The following ATP6V1H variants were observed in gnomAD, a reference collection of about 807,000 sequenced individuals.
ATP6V1H encodes the protein ATPase H+ transporting V1 subunit H, also known as V-type proton ATPase subunit H.
ATP6V1H carries 39 observed loss-of-function variants against 71.7 expected under a neutral mutation model. The observed-to-expected ratio is 0.54, with a 90% CI of 0.42 to 0.71. The LOEUF (loss-of-function observed/expected upper bound fraction) is 0.71. Among genes scored for constraint, ATP6V1H ranks in the 30% least tolerant of loss-of-function variants. The probability of loss-of-function intolerance (pLI) is 0.00; values close to 1 mark genes in which losing one functional copy is unlikely to be tolerated. For synonymous variants in ATP6V1H, 192 were observed against 199.3 expected (o/e 0.96, Z 0.31); for missense variants, 509 against 594.9 (o/e 0.86, Z 1.50).
intron 12 of ATP6V1H, among the ~76,000 whole-genome samples, chr8:53,752,691 G>C (rs1807842758): frequency 6.6e-6 from 1 of 152,000 alleles, no homozygotes; most frequent in Non-Finnish European, 1.5e-5. Context: ...GCTGGGACTA[G>C]AGGCATGTGC....
chr8:53,822,013 G>C (rs1810680244), intron 4 of ATP6V1H, among the ~76,000 whole-genome samples: 1 of 152,142 alleles, frequency 6.6e-6, no homozygotes, highest in Non-Finnish European at 1.5e-5. Context: ...ATAGCTGATT[G>C]AGTTCAAGAA....
intron 12 of ATP6V1H, among the ~76,000 whole-genome samples, chr8:53,749,080 A>C (rs558286657): frequency 6.6e-6 from 1 of 152,354 alleles, no homozygotes; most frequent in East Asian, 1.9e-4. Context: ...GGCTCTTTTG[A>C]GAAGTTCACA....
chr8:53,806,255 A>G (rs1452571261), intron 7 of ATP6V1H, among the ~76,000 whole-genome samples: 1 of 152,010 alleles, frequency 6.6e-6, no homozygotes, highest in African/African-American at 2.4e-5. Flanking sequence ...CCACTGGGAA[A>G]AATAAAAAAA....
At chr8:53,737,050 G>C (rs1370159066) in intron 13 of ATP6V1H, among the ~76,000 whole-genome samples, 1 of 152,186 alleles carries the variant, frequency 6.6e-6, no homozygotes, top group Admixed American at 6.5e-5. Flanking sequence ...TTGCTCAATT[G>C]ATCACAATCC....
chr8:53,790,986 A>G (rs1809547181), intron 9 of ATP6V1H, among the ~76,000 whole-genome samples: 1 of 152,298 alleles, frequency 6.6e-6, no homozygotes, highest in African/African-American at 2.4e-5. Flanking sequence ...AACTAGCTCT[A>G]TTTTTGCAAA....
chr8:53,758,962 T>C (rs1282977421), intron 11 of ATP6V1H, among the ~76,000 whole-genome samples: 2 of 152,270 alleles, frequency 1.3e-5, no homozygotes, highest in Middle Eastern at 3.2e-3. Flanking sequence ...CCTTAAACTA[T>C]TCTCAGTGAC....
chr8:53,791,927 T>C lies in ATP6V1H; in HGVS notation c.870+3720A>G, dbSNP rs575365539. On this transcript the variant is annotated intron_variant, in intron 9 of 13. Transcript: ENST00000359530. ...CACATACATGGAACCCACAACTGTT[T>C]TGTGATTTAGGAGAGATTGGCAAAA... Among the ~76,000 whole-genome samples the C allele has an allele frequency of 8.5e-5, 13 of 152,326 alleles. 1 individual carries two copies. Among genetic ancestry groups the C allele is most frequent in the East Asian group, 7.7e-4 (4 of 5,194 alleles).
At chr8:53,822,104 T>C (rs1810683632) in intron 4 of ATP6V1H, among the ~76,000 whole-genome samples, 1 of 152,030 alleles carries the variant, frequency 6.6e-6, no homozygotes, top group Non-Finnish European at 1.5e-5. Context: ...GACTCAAAAG[T>C]CAAAGAACTG....
At chr8:53,807,659 G>T in intron 7 of ATP6V1H, among the ~76,000 whole-genome samples, 1 of 152,274 alleles carries the variant, frequency 6.6e-6, no homozygotes, top group East Asian at 1.9e-4. Flanking sequence ...CAGGAATGGG[G>T]AAGACTGTTA....
At chr8:53,782,824 G>T (rs2130368500) in intron 9 of ATP6V1H, among the ~76,000 whole-genome samples, 1 of 152,296 alleles carries the variant, frequency 6.6e-6, no homozygotes, top group South Asian at 2.1e-4. Flanking sequence ...CTTTGGTTCT[G>T]TTTATATGCT....
intron 12 of ATP6V1H, 178 bp downstream of exon 12, chr8:53,756,377 C>T (rs183352593): frequency 2.6e-5 from 11 of 425,268 alleles, no homozygotes; most frequent in Middle Eastern, 1.1e-3. Flanking sequence ...CCACTGCAAC[C>T]GGCCTATACT....
intron 2 of ATP6V1H, among the ~76,000 whole-genome samples, chr8:53,837,691 T>C (rs1224793436): frequency 6.6e-6 from 1 of 152,084 alleles, no homozygotes; most frequent in Non-Finnish European, 1.5e-5. Context: ...CGAGGGGGCA[T>C]GATCAGACTT....
chr8:53,769,607 A>G lies in ATP6V1H; in HGVS notation c.1175+11T>C. The stretch of plus-strand genomic sequence containing the variant: ...AGATATTAAGAGTGTAAAGTAGAAC[A>G]AAAAACTTACTTCAAGAGTTCATAA... On this transcript the variant is annotated intron_variant, in intron 11 of 13. Coordinates refer to ENST00000359530, the MANE Select transcript of ATP6V1H (RefSeq NM_015941.4). 6.2e-7 allele frequency: 1 copy of G among 1,609,330 alleles called. No homozygotes were observed. Among genetic ancestry groups the G allele is most frequent in the South Asian group, 1.1e-5 (1 of 89,936 alleles).
intron 9 of ATP6V1H, 95 bp from the exon 10 acceptor site, chr8:53,772,262 C>T: frequency 1.0e-6 from 1 of 977,814 alleles, no homozygotes; most frequent in Non-Finnish European, 1.5e-6. Context: ...CTCTCCTCCT[C>T]CTATTCTCAA....
At position 53,832,863 on chromosome 8, in the gene ATP6V1H, G is replaced by A. The variant is rs548316456; in HGVS notation, c.216+121C>T. ...TACAGAAAAGGATGAAGGTAAACAT[G>A]CTCAATATAACGTTCTTTCCAAATT... is the stretch of plus-strand genomic sequence containing the variant. On this transcript the variant is annotated intron_variant, in intron 3 of 13. Transcript: ENST00000359530. 8.0e-4 allele frequency: 443 copies of A among 550,478 alleles called. 2 individuals are homozygous for A. Among genetic ancestry groups the A allele is most frequent in the African/African-American group, 7.7e-3 (400 of 51,788 alleles). 34.1% of individuals were successfully genotyped at this position (550,478 alleles called of 1,614,324 possible). A position where few individuals can be genotyped will look rare whatever the true frequency, so the allele number is the denominator to read the frequency against.
chr8:53,775,722 T>C (rs888656240), intron 9 of ATP6V1H, among the ~76,000 whole-genome samples: 1 of 152,072 alleles, frequency 6.6e-6, no homozygotes, highest in South Asian at 2.1e-4. Context: ...TGTCGATTGG[T>C]GCACTCACAA....
At chr8:53,791,333 T>C (rs1019656468) in intron 9 of ATP6V1H, among the ~76,000 whole-genome samples, 4 of 152,120 alleles carry the variant, frequency 2.6e-5, no homozygotes, top group African/African-American at 9.7e-5. Context: ...GAGCACAAGT[T>C]AGTGTCAGGT....
In ATP6V1H at chr8:53,737,985, T is replaced by C. The variant is rs552200296; in HGVS notation, c.1391+5592A>G. Among the ~76,000 whole-genome samples the C allele has an allele frequency of 6.6e-5, 10 of 152,284 alleles. No homozygotes were observed. The South Asian group carries it at 1.5e-3, about 22-fold the overall frequency. On this transcript the variant is annotated intron_variant, in intron 13 of 13. Coordinates refer to ENST00000359530, the MANE Select transcript of ATP6V1H (RefSeq NM_015941.4). Reference sequence around the variant, plus strand: ...ATCATGACTTAACATCTGGGTGACATACATAAAGGGAAACTGAGAAAATAA... The same window carrying C: ...ATCATGACTTAACATCTGGGTGACACACATAAAGGGAAACTGAGAAAATAA...
chr8:53,723,877 T>TA (rs1472192527), intron 13 of ATP6V1H, among the ~76,000 whole-genome samples: 3 of 152,208 alleles, frequency 2.0e-5, no homozygotes, highest in South Asian at 2.1e-4. Flanking sequence ...ACAGAAAAGT[T>TA]AGACTTGTTT....
Sources: gnomAD v4.1 joint callset for allele counts (sites outside exome capture counted in the v4.1 genomes callset) on GRCh38, gnomAD v4.1.1 for gene constraint, MANE v1.5 for transcripts, NCBI Gene and HGNC (gene_info 2026-07-23, HGNC 2026-07-21) for gene names.